FRMD3: variants seen among roughly 807,000 people sequenced by gnomAD.
The protein encoded by FRMD3 is FERM domain containing 3, also known as FERM domain-containing protein 3.
In FRMD3, 33 loss-of-function variants were observed where a neutral mutation model predicts 70.2. The observed-to-expected ratio is 0.47, with a 90% CI of 0.36 to 0.63. The LOEUF (loss-of-function observed/expected upper bound fraction) is 0.63, where lower values mean the gene tolerates loss of function less well. FRMD3 is among the 20% of genes least tolerant of loss of function. FRMD3 has a pLI of 0.00. For missense variants in FRMD3, 632 were observed against 711.4 expected, an observed-to-expected ratio of 0.89 and a Z score of 1.27; for synonymous variants, 279 against 255.9, an observed-to-expected ratio of 1.09 and a Z score of -0.86.
At chr9:83,579,525 A>G in the FRMD3 span, among the ~76,000 whole-genome samples, 1 of 152,256 alleles carries the variant, frequency 6.6e-6, no homozygotes, top group Admixed American at 6.5e-5. Flanking sequence ...AAGAACACAC[A>G]ATGGAGAAAG....
At chr9:83,334,445 A>C (rs1346356803) in intron 6 of FRMD3, among the ~76,000 whole-genome samples, 1 of 152,148 alleles carries the variant, frequency 6.6e-6, no homozygotes, top group African/African-American at 2.4e-5. Context: ...CGCCTGCATA[A>C]AGGAGGGAGC....
chr9:83,557,588 C>G, the FRMD3 span, among the ~76,000 whole-genome samples: 2 of 152,194 alleles, frequency 1.3e-5, no homozygotes, highest in Non-Finnish European at 2.9e-5. Flanking sequence ...TCAGAAGATT[C>G]AGAAGATTAT....
the FRMD3 span, among the ~76,000 whole-genome samples, chr9:83,558,899 G>A: frequency 6.6e-6 from 1 of 152,194 alleles, no homozygotes; most frequent in African/African-American, 2.4e-5. Context: ...ATCAGAAGTG[G>A]AGCCTGGACA....
chr9:83,583,563 T>C, the FRMD3 span, among the ~76,000 whole-genome samples: 232 of 152,342 alleles, frequency 1.5e-3, 1 homozygote, highest in Middle Eastern at 0.02. Flanking sequence ...TTGCTTTAGA[T>C]ATAATCTAAA....
At chr9:83,489,853 A>C (rs1828776895) in intron 1 of FRMD3, among the ~76,000 whole-genome samples, 1 of 152,222 alleles carries the variant, frequency 6.6e-6, no homozygotes, top group Admixed American at 6.5e-5. Context: ...TATGGCAACC[A>C]GTACGATAAA....
chr9:83,396,845 A>G (rs1391624460), intron 1 of FRMD3, among the ~76,000 whole-genome samples: 1 of 152,170 alleles, frequency 6.6e-6, no homozygotes, highest in Non-Finnish European at 1.5e-5. Flanking sequence ...TGTTTGTTGC[A>G]CCCAACATTT....
chr9:83,286,410 C>T (rs905467956), intron 13 of FRMD3, among the ~76,000 whole-genome samples: 3 of 151,966 alleles, frequency 2.0e-5, no homozygotes, highest in Non-Finnish European at 4.4e-5. Flanking sequence ...CAGCTCACTG[C>T]AACCTCCACC....
intron 1 of FRMD3, among the ~76,000 whole-genome samples, chr9:83,510,255 T>G (rs1018056768): frequency 1.3e-5 from 2 of 152,046 alleles, no homozygotes; most frequent in African/African-American, 4.8e-5. Flanking sequence ...AAGGAAAAAA[T>G]GTATAGTCAA....
intron 1 of FRMD3, among the ~76,000 whole-genome samples, chr9:83,506,272 A>G (rs1327661864): frequency 6.6e-6 from 1 of 152,226 alleles, no homozygotes; most frequent in Non-Finnish European, 1.5e-5. Flanking sequence ...TCTATCAATA[A>G]TGTTTTAAAG....
At chr9:83,507,996 T>C (rs1239066740) in intron 1 of FRMD3, among the ~76,000 whole-genome samples, 1 of 151,968 alleles carries the variant, frequency 6.6e-6, no homozygotes, top group East Asian at 1.9e-4. Context: ...AGTAACACAT[T>C]GAGCTACAAC....
Position 83,433,069 on chromosome 9 carries a change from T to C in FRMD3, c.148-43361A>G, listed in dbSNP as rs146131504. Among the ~76,000 whole-genome samples, 588 of 152,352 alleles carry C rather than the reference T, an allele frequency of 3.9e-3. 4 individuals carry two copies. The highest frequency in any genetic ancestry group is 0.014 in the African/African-American group (571 of 41,576). ...AAGTTGCCAAAAAAGACATCATTTT[T>C]TTCTTTTTAGTGGCTGAGTAGTATT... On this transcript the variant is annotated intron_variant, in intron 1 of 13. Transcript: ENST00000304195.
At chr9:83,261,669 C>T (rs1340460032) in intron 13 of FRMD3, among the ~76,000 whole-genome samples, 5 of 152,180 alleles carry the variant, frequency 3.3e-5, no homozygotes, top group Admixed American at 2.0e-4. Flanking sequence ...CAACCTGGTA[C>T]TACAGGTCAC....
intron 1 of FRMD3, among the ~76,000 whole-genome samples, chr9:83,525,444 A>T (rs1186261121): frequency 6.6e-6 from 1 of 152,252 alleles, no homozygotes; most frequent in East Asian, 1.9e-4. Context: ...TATATACAAA[A>T]CAAAATTTGC....
chr9:83,252,793 A>G (rs1179761248), intron 13 of FRMD3, among the ~76,000 whole-genome samples: 1 of 152,230 alleles, frequency 6.6e-6, no homozygotes, highest in Non-Finnish European at 1.5e-5. Context: ...ATAATGATAG[A>G]GTTCAACAGG....
chr9:83,246,999 T>C lies in FRMD3; in HGVS notation c.*919A>G, dbSNP rs1297759067. The C allele has an allele frequency of 2.7e-5, 27 of 985,364 alleles. No homozygotes were observed. The highest frequency in any genetic ancestry group is 3.1e-5 in the Non-Finnish European group (26 of 829,956). 61.0% of individuals were successfully genotyped at this position (985,364 alleles called of 1,614,324 possible). On this transcript the variant is annotated 3_prime_UTR_variant, in exon 14 of 14. Transcript: ENST00000304195. ...GGGTTAATGTACATTGATATGCAAC[T>C]GACTAGCACATCTGTTACCTTTTTT...
intron 3 of FRMD3, among the ~76,000 whole-genome samples, chr9:83,355,224 G>A (rs1824297292): frequency 1.3e-5 from 2 of 152,204 alleles, no homozygotes; most frequent in Admixed American, 6.5e-5. Flanking sequence ...GGGGAATGAC[G>A]TAAAGAAAGA....
At chr9:83,376,274 C>T (rs190417690) in intron 2 of FRMD3, among the ~76,000 whole-genome samples, 1 of 151,546 alleles carries the variant, frequency 6.6e-6, no homozygotes, top group East Asian at 1.9e-4. Flanking sequence ...AGAATCTTCA[C>T]TGCAATATTA....
At chr9:83,435,514 G>A (rs1246433324) in intron 1 of FRMD3, among the ~76,000 whole-genome samples, 2 of 151,870 alleles carry the variant, frequency 1.3e-5, no homozygotes, top group Non-Finnish European at 2.9e-5. Context: ...AACCACAGCC[G>A]TCGTTGAGAA....
At chr9:83,559,143 G>A in the FRMD3 span, among the ~76,000 whole-genome samples, 1 of 152,180 alleles carries the variant, frequency 6.6e-6, no homozygotes, top group African/African-American at 2.4e-5. Context: ...ACATTCTATT[G>A]TGGATTAAAG....
Sources: allele counts gnomAD v4.1 joint callset (sites outside exome capture counted in the v4.1 genomes callset), GRCh38; gene constraint gnomAD v4.1.1; transcripts MANE v1.5; gene names NCBI Gene and HGNC (gene_info 2026-07-23, HGNC 2026-07-21).